MID2: variants seen among roughly 807,000 people sequenced by gnomAD.
MID2 encodes midline 2, also known as probable E3 ubiquitin-protein ligase MID2.
MID2 carries 13 observed loss-of-function variants against 46.1 expected under a neutral mutation model. The ratio of observed to expected loss-of-function variants is 0.28; its 90% confidence interval spans 0.18 to 0.45. MID2 has a LOEUF of 0.45. MID2 is among the 20% of genes least tolerant of loss of function. MID2 has a pLI of 1.00. For missense variants in MID2, 431 were observed against 575.4 expected (o/e 0.75, Z 2.57); for synonymous variants, 199 against 212.3 (o/e 0.94, Z 0.55).
At chrX:107,915,972 T>C in intron 5 of MID2, 30 bp from the exon 6 acceptor site, 5 of 1,180,296 alleles carry the variant, frequency 4.2e-6, no homozygotes, top group Non-Finnish European at 5.7e-6. Context: ...CCTATTTTGA[T>C]GTATATTGAT....
intron 1 of MID2, among the ~76,000 whole-genome samples, chrX:107,833,934 C>T (rs757095739): frequency 4.5e-5 from 5 of 111,062 alleles, no homozygotes; most frequent in Non-Finnish European, 9.4e-5. Flanking sequence ...GCTGGGACTA[C>T]AGGTGCATGC....
At chrX:107,900,800 A>C (rs750528953) in intron 3 of MID2, among the ~76,000 whole-genome samples, 10 of 112,155 alleles carry the variant, frequency 8.9e-5, no homozygotes, top group Non-Finnish European at 1.7e-4. Flanking sequence ...TAATTTCAGT[A>C]GATTATAGTC....
At chrX:107,826,780 C>G (rs1013920875) in intron 1 of MID2, among the ~76,000 whole-genome samples, 1 of 113,439 alleles carries the variant, frequency 8.8e-6, no homozygotes, top group Non-Finnish European at 1.9e-5. Flanking sequence ...GGGCGCGAGT[C>G]TGGGAAAGGG....
At chrX:107,864,963 G>A (rs1042998854) in intron 3 of MID2, among the ~76,000 whole-genome samples, 1 of 112,007 alleles carries the variant, frequency 8.9e-6, no homozygotes, top group Non-Finnish European at 1.9e-5. Context: ...ATTCCTAAGA[G>A]CTTTAAATAC....
rs1930944187 is a variant in MID2 at position 107,826,386 on chromosome X, C to T, written c.-41C>T. ...GCGGAGGCAGACGAGAGCCCAGCGC[C>T]CTCGAGCGAGCGGAGGAGATGGCTG... On this transcript the variant is annotated 5_prime_UTR_variant, in exon 1 of 10. Transcript: ENST00000262843. 1.8e-6 allele frequency: 2 copies of T among 1,131,389 alleles called. No homozygotes were observed. The highest frequency in any genetic ancestry group is 2.3e-6 in the Non-Finnish European group (2 of 856,099). 93.2% of individuals were successfully genotyped at this position (1,131,389 alleles called of 1,213,427 possible).
intron 1 of MID2, among the ~76,000 whole-genome samples, chrX:107,833,680 G>A (rs1353054461): frequency 1.8e-5 from 2 of 111,759 alleles, no homozygotes; most frequent in Admixed American, 9.5e-5. Context: ...TACAGATCAC[G>A]ACTTCTCTCT....
chrX:107,912,707 A>T (rs1932909991), intron 5 of MID2, among the ~76,000 whole-genome samples: 1 of 111,423 alleles, frequency 9.0e-6, no homozygotes, highest in African/African-American at 3.3e-5. Context: ...TTCAATTACC[A>T]TCTAGATGGT....
rs760650349 is a variant in MID2 at position 107,927,717 on chromosome X, A to G, written c.*644A>G. Among the ~76,000 whole-genome samples the G allele has an allele frequency of 1.8e-5, 2 of 112,024 alleles. No homozygotes were observed. The highest frequency in any genetic ancestry group is 7.5e-4 in the South Asian group (2 of 2,675). On this transcript the variant is annotated 3_prime_UTR_variant, in exon 10 of 10. Coordinates refer to ENST00000262843, the MANE Select transcript of MID2 (RefSeq NM_012216.4). ...CCAAACACCACCTCGAACTAGAACA[A>G]AAAACTTTTTAATTTGCTAATTTGA...
chrX:107,844,714 C>T (rs1259397654), intron 2 of MID2, among the ~76,000 whole-genome samples: 1 of 98,355 alleles, frequency 1.0e-5, no homozygotes, highest in Non-Finnish European at 1.9e-5. Flanking sequence ...AAACATGCTA[C>T]CTTCATCTAC....
intron 3 of MID2, among the ~76,000 whole-genome samples, chrX:107,863,578 C>G (rs1931899762): frequency 8.9e-6 from 1 of 112,308 alleles, no homozygotes; most frequent in African/African-American, 3.2e-5. Flanking sequence ...TTTTCACAAT[C>G]CACCCAAATT....
intron 3 of MID2, among the ~76,000 whole-genome samples, chrX:107,888,896 CTT>C (rs1932527367): frequency 9.0e-6 from 1 of 111,239 alleles, no homozygotes. Context: ...CTCTTTTGAT[CTT>C]TTTGTTGGTT....
Position 107,926,085 on chromosome X carries a change from A to AT in MID2, c.1598-4dup. The AT allele has an allele frequency of 8.8e-7, 1 of 1,130,270 alleles. No individual in the cohort carries two copies. The highest frequency in any genetic ancestry group is 1.2e-6 in the Non-Finnish European group (1 of 848,697). 93.1% of individuals were successfully genotyped at this position (1,130,270 alleles called of 1,213,427 possible). ...CTTTTTCTTTTTTTTTTTTCTACTT[A>AT]TTTTTCAGGCCAACCCTTTAAATTG... On this transcript the variant is annotated splice_polypyrimidine_tract_variant and intron_variant, in intron 8 of 9. Transcript: ENST00000262843.
chrX:107,910,109 T>A (rs973494260), intron 5 of MID2, among the ~76,000 whole-genome samples: 1 of 111,966 alleles, frequency 8.9e-6, no homozygotes, highest in African/African-American at 3.2e-5. Context: ...AACTTATTCC[T>A]CCTGTCTAAC....
At chrX:107,839,670 G>A (rs1931289850) in intron 1 of MID2, among the ~76,000 whole-genome samples, 1 of 111,835 alleles carries the variant, frequency 8.9e-6, no homozygotes, top group Admixed American at 9.4e-5. Context: ...GTGCCCGGCC[G>A]GGTGACCTCT....
At chrX:107,839,809 G>T (rs760279396) in intron 1 of MID2, among the ~76,000 whole-genome samples, 1 of 112,589 alleles carries the variant, frequency 8.9e-6, no homozygotes, top group South Asian at 3.7e-4. Flanking sequence ...CACATGGGAG[G>T]TGAGCTTCAT....
intron 3 of MID2, among the ~76,000 whole-genome samples, chrX:107,859,831 A>G (rs1237930241): frequency 1.8e-5 from 2 of 112,267 alleles, no homozygotes; most frequent in Non-Finnish European, 3.8e-5. Flanking sequence ...CGTTCAGGGA[A>G]CTATCAGAAG....
Position 107,928,355 on chromosome X carries a change from C to T in MID2, c.*1282C>T, listed in dbSNP as rs1303101064. ...CACGCAAATGGAGACAAACTTCATCCCAGTCCTAACCAGTATAGTTGAAGG... is the reference window on the plus strand; with the variant it reads ...CACGCAAATGGAGACAAACTTCATCTCAGTCCTAACCAGTATAGTTGAAGG... On this transcript the variant is annotated 3_prime_UTR_variant, in exon 10 of 10. Coordinates refer to ENST00000262843, the MANE Select transcript of MID2 (RefSeq NM_012216.4). 3.6e-5 allele frequency among the ~76,000 whole-genome samples: 4 copies of T among 111,499 alleles called. No homozygotes were observed. Among genetic ancestry groups the T allele is most frequent in the African/African-American group, 1.3e-4 (4 of 30,680 alleles).
chrX:107,892,231 C>G (rs911509642), intron 3 of MID2, among the ~76,000 whole-genome samples: 2 of 111,910 alleles, frequency 1.8e-5, no homozygotes, highest in African/African-American at 6.5e-5. Flanking sequence ...CTTTGTTCTC[C>G]TCCCTTTCCA....
At chrX:107,857,119 G>C (rs1441258303) in intron 3 of MID2, among the ~76,000 whole-genome samples, 1 of 111,839 alleles carries the variant, frequency 8.9e-6, no homozygotes, top group Admixed American at 9.4e-5. Context: ...GTGAGATATT[G>C]TTGAGAGTGA....
Sources: allele counts gnomAD v4.1 joint callset (sites outside exome capture counted in the v4.1 genomes callset), GRCh38; gene constraint gnomAD v4.1.1; transcripts MANE v1.5; gene names NCBI Gene and HGNC (gene_info 2026-07-23, HGNC 2026-07-21).